Variants in ADAM9 observed in about 807,000 individuals in gnomAD.
ADAM9 encodes ADAM metallopeptidase domain 9, also known as disintegrin and metalloproteinase domain-containing protein 9.
In ADAM9, 54 loss-of-function variants were observed where a neutral mutation model predicts 108.1. The observed-to-expected ratio is 0.50, with a 90% confidence interval of 0.40 to 0.63. The LOEUF (loss-of-function observed/expected upper bound fraction) is 0.63. ADAM9 is among the 20% of genes least tolerant of loss of function. ADAM9 has a pLI of 0.00. For missense variants in ADAM9, 830 were observed against 997.7 expected (o/e 0.83, Z 2.26); for synonymous variants, 316 against 336.0 (o/e 0.94, Z 0.65).
chr8:39,034,042 TG>T (rs1279556282), intron 11 of ADAM9, among the ~76,000 whole-genome samples: 1 of 152,112 alleles, frequency 6.6e-6, no homozygotes, highest in Non-Finnish European at 1.5e-5. Flanking sequence ...TCTTTTGGGT[TG>T]GTAGAGTGTT....
chr8:39,052,978 A>G (rs1309678750), intron 12 of ADAM9, among the ~76,000 whole-genome samples: 1 of 152,116 alleles, frequency 6.6e-6, no homozygotes, highest in East Asian at 1.9e-4. Flanking sequence ...TAATTGTTTC[A>G]TATCCTGACC....
intron 15 of ADAM9, among the ~76,000 whole-genome samples, chr8:39,074,109 G>A (rs1838781539): frequency 6.6e-6 from 1 of 152,042 alleles, no homozygotes; most frequent in African/African-American, 2.4e-5. Flanking sequence ...TATTTTTGTT[G>A]TCATCCTCCT....
intron 9 of ADAM9, among the ~76,000 whole-genome samples, chr8:39,024,207 T>C (rs954816272): frequency 6.6e-6 from 1 of 152,200 alleles, no homozygotes; most frequent in African/African-American, 2.4e-5. Context: ...CTTCTCTTGG[T>C]TCCCAGGCTT....
At chr8:39,066,848 T>A (rs373370205) in intron 14 of ADAM9, among the ~76,000 whole-genome samples, 2 of 152,218 alleles carry the variant, frequency 1.3e-5, no homozygotes, top group East Asian at 3.8e-4. Context: ...CTGAATGGTA[T>A]TGCCTAGGTT....
In ADAM9 at chr8:39,103,750, T is replaced by A; in HGVS notation, c.*50T>A. 2.3e-6 allele frequency: 2 copies of A among 853,608 alleles called. No individual in the cohort carries two copies. The highest frequency in any genetic ancestry group is 3.4e-6 in the Non-Finnish European group (2 of 593,140). 52.9% of individuals were successfully genotyped at this position (853,608 alleles called of 1,614,324 possible). A position where few individuals can be genotyped will look rare whatever the true frequency, so the allele number is the denominator to read the frequency against. ...TGTCTTCAGGGAACTGAGCTAATAC[T>A]TTTTTTTTTTCTTGATGTTTTCTTG... On this transcript the variant is annotated 3_prime_UTR_variant, in exon 22 of 22. Coordinates refer to ENST00000487273, the MANE Select transcript of ADAM9 (RefSeq NM_003816.3).
chr8:39,061,484 A>G (rs1003372605), intron 14 of ADAM9, among the ~76,000 whole-genome samples: 1 of 152,186 alleles, frequency 6.6e-6, no homozygotes, highest in Non-Finnish European at 1.5e-5. Flanking sequence ...TATTTCAGAT[A>G]TAGGGTTCTG....
In ADAM9 at chr8:39,021,721, T is replaced by A. The variant is rs1310323019; in HGVS notation, c.744+7T>A. 1 of 1,608,288 alleles carries A rather than the reference T, an allele frequency of 6.2e-7. No individual in the cohort carries two copies. On this transcript the variant is annotated splice_region_variant and intron_variant, in intron 8 of 21. Coordinates refer to ENST00000487273, the MANE Select transcript of ADAM9 (RefSeq NM_003816.3). ...GGCAAACTACTTGGATAGTGTAAGT[T>A]GTATTTTCTATCAACCAGGATGATT...
rs757052065 is a variant in ADAM9, at chr8:39,014,002, A to T, written c.292A>T (p.Asn98Tyr). 6.2e-7 allele frequency: 1 copy of T among 1,613,636 alleles called. No homozygotes were observed. The highest frequency in any genetic ancestry group is 8.5e-7 in the Non-Finnish European group (1 of 1,179,756). ...TGAAGATTTTGTGGTTTATACTTACAACAAGGAAGGGACTTTAATCACTGA... is the reference window on the plus strand; with the variant it reads ...TGAAGATTTTGTGGTTTATACTTACTACAAGGAAGGGACTTTAATCACTGA... ...LPEDFVVYTY[N>Y]KEGTLITDHP... The change falls in exon 4 of 22, where the codon AAC becomes TAC. Residue 98 changes from asparagine to tyrosine, a missense_variant. By Grantham distance (143) the Asn-to-Tyr change is moderately radical. Coordinates refer to ENST00000487273, the MANE Select transcript of ADAM9 (RefSeq NM_003816.3).
At chr8:39,027,434 C>T (rs1473125643) in intron 11 of ADAM9, among the ~76,000 whole-genome samples, 2 of 152,278 alleles carry the variant, frequency 1.3e-5, no homozygotes, top group East Asian at 3.9e-4. Context: ...AAAACGTATC[C>T]ACTCACTTAC....
At chr8:39,020,602 T>C (rs1240815791) in intron 7 of ADAM9, among the ~76,000 whole-genome samples, 2 of 152,212 alleles carry the variant, frequency 1.3e-5, no homozygotes, top group African/African-American at 4.8e-5. Context: ...TGGCTTAAGA[T>C]GGTTAAACTT....
chr8:39,094,461 T>A (rs1189496063), intron 20 of ADAM9, among the ~76,000 whole-genome samples: 6 of 152,220 alleles, frequency 3.9e-5, no homozygotes, highest in Admixed American at 6.5e-5. Context: ...AAATATTCCT[T>A]CCTCTTCAAG....
rs138058399 is a variant in ADAM9, at chr8:39,014,026, G to C, written c.316G>C (p.Asp106His). ...CAACAAGGAAGGGACTTTAATCACT[G>C]ACCATCCCAATATACAGGTAATGTA... ...TYNKEGTLITDHPNIQNHCHY... is the reference protein window; with the variant it reads ...TYNKEGTLITHHPNIQNHCHY... Residue 106 changes from aspartate (D) to histidine (H), a missense_variant, in exon 4 of 22, where the codon GAC (aspartate) becomes CAC (histidine). Asp to His is a moderately conservative substitution (Grantham distance 81). This residue lies in a region of ADAM9 where 211 missense variants were observed against 222.2 expected (regional missense o/e 0.95). Coordinates refer to ENST00000487273, the MANE Select transcript of ADAM9 (RefSeq NM_003816.3). 10 of 1,613,002 alleles carry C rather than the reference G, an allele frequency of 6.2e-6. No homozygotes were observed. Among genetic ancestry groups the C allele is most frequent in the Non-Finnish European group, 8.5e-6 (10 of 1,179,200 alleles).
intron 13 of ADAM9, 75 bp from the exon 14 acceptor site, chr8:39,055,502 G>T (rs1838090794): frequency 7.0e-7 from 1 of 1,429,434 alleles, no homozygotes; most frequent in South Asian, 1.1e-5. Context: ...AGATGTAAAT[G>T]CTGTGGTTTC....
At chr8:39,005,533 A>G (rs576143312) in intron 1 of ADAM9, among the ~76,000 whole-genome samples, 70 of 152,338 alleles carry the variant, frequency 4.6e-4, no homozygotes, top group African/African-American at 1.5e-3. Flanking sequence ...ACTGATTCCA[A>G]TATATGCCCA....
chr8:39,097,672 G>GTC (rs1839554957), intron 20 of ADAM9, among the ~76,000 whole-genome samples: 1 of 152,056 alleles, frequency 6.6e-6, no homozygotes, highest in African/African-American at 2.4e-5. Flanking sequence ...ATTGAATTAT[G>GTC]AAATGTTTGT....
chr8:39,103,577 C>T (rs1219340195), intron 21 of ADAM9, 30 bp from the exon 22 acceptor site: 5 of 1,596,264 alleles, frequency 3.1e-6, no homozygotes, highest in Non-Finnish European at 3.4e-6. Flanking sequence ...AGTCTAAACA[C>T]TCTATTAACT....
At chr8:39,056,319 A>G (rs1048462403) in intron 14 of ADAM9, among the ~76,000 whole-genome samples, 20 of 152,116 alleles carry the variant, frequency 1.3e-4, no homozygotes, top group African/African-American at 4.8e-4. Flanking sequence ...CCCACCCACT[A>G]TTCCCATCAC....
chr8:39,091,597 G>A (rs558485942), intron 20 of ADAM9, among the ~76,000 whole-genome samples: 118 of 152,002 alleles, frequency 7.8e-4, no homozygotes, highest in Admixed American at 1.9e-3. Flanking sequence ...AAATGATTTC[G>A]TGCCTCAGCC....
chr8:39,007,820 A>G (rs1836211841), intron 1 of ADAM9, 66 bp from the exon 2 acceptor site: 5 of 1,097,018 alleles, frequency 4.6e-6, no homozygotes, highest in Non-Finnish European at 6.9e-6. Context: ...TTGATTTTTC[A>G]TTATATTGTG....
Sources: allele counts gnomAD v4.1 joint callset (sites outside exome capture counted in the v4.1 genomes callset), GRCh38; gene constraint gnomAD v4.1.1; regional missense constraint gnomAD v4.1.1; transcripts MANE v1.5; gene names NCBI Gene and HGNC (gene_info 2026-07-23, HGNC 2026-07-21).